The following A1BG variants were observed in gnomAD, a reference collection of about 807,000 sequenced individuals.
A1BG encodes the protein alpha-1-B glycoprotein, also known as alpha-1B-glycoprotein.
In A1BG, 44 loss-of-function variants were observed where a neutral mutation model predicts 46.0. The ratio of observed to expected loss-of-function variants is 0.96; its 90% confidence interval spans 0.75 to 1.23. The LOEUF is 1.23. A1BG is among the 50% of genes most tolerant of loss of function. The pLI is 0.00. For missense variants in A1BG, 707 were observed against 688.8 expected (o/e 1.03, Z -0.30); for synonymous variants, 316 against 314.7 (o/e 1.00, Z -0.04).
At chr19:58,352,241 C>G in intron 4 of A1BG, 42 bp downstream of exon 4, 1 of 1,601,758 alleles carries the variant, frequency 6.2e-7, no homozygotes, top group Non-Finnish European at 8.5e-7. Context: ...CCCCCTGTAT[C>G]CTCCTCCCCC....
chr19:58,353,098 T>C lies in A1BG; in HGVS notation c.170A>G (p.Asp57Gly). Residue 57 changes from aspartate to glycine, a missense_variant, in exon 3 of 8, where the codon GAC (aspartate) becomes GGC (glycine). Coordinates refer to ENST00000263100, the MANE Select transcript of A1BG (RefSeq NM_130786.4). ...CACCCCATTCTTGAACAGCTGGAAG[T>C]CTGGAGTCTCCAGGTGGGCCTGGCA... ...LTCQAHLETP[D>G]FQLFKNGVAQ... The C allele has an allele frequency of 6.2e-7, 1 of 1,614,156 alleles. No homozygotes were observed. Among genetic ancestry groups the C allele is most frequent in the South Asian group, 1.1e-5 (1 of 91,090 alleles).
At chr19:58,347,779 A>G (rs2051927213) in intron 6 of A1BG, 139 bp from the exon 7 acceptor site, 1 of 501,426 alleles carries the variant, frequency 2.0e-6, no homozygotes, top group Non-Finnish European at 3.0e-6. Flanking sequence ...TCCTGGGCGC[A>G]GAGGGCTCCT....
chr19:58,347,266 A>G, intron 7 of A1BG, 87 bp downstream of exon 7: 1 of 1,567,700 alleles, frequency 6.4e-7, no homozygotes, highest in Non-Finnish European at 8.7e-7. Flanking sequence ...CCAAGGGAGG[A>G]GCCGGGAGAG....
rs575873771 is a variant in A1BG at position 58,350,301 on chromosome 19, G to A, written c.1192+69C>T. 2.3e-5 allele frequency: 34 copies of A among 1,464,348 alleles called. No individual in the cohort carries two copies. The East Asian group carries it at 7.5e-4, about 32-fold the overall frequency. The allele number at this position is 1,464,348 out of a possible 1,614,324, so 90.7% of individuals were successfully genotyped here. ...CCGCCGTCGGACGCCCAAGGAAAGA[G>A]GGGAAAGACAGGAGGCCCCGAGGGG... On this transcript the variant is annotated intron_variant, in intron 6 of 7. Transcript: ENST00000263100.
At position 58,352,479 on chromosome 19, in the gene A1BG, G is replaced by T; in HGVS notation, c.417C>A (p.Cys139Ter). The T allele has an allele frequency of 6.2e-7, 1 of 1,613,502 alleles. No homozygotes were observed. The highest frequency in any genetic ancestry group is 8.5e-7 in the Non-Finnish European group (1 of 1,180,002). ...AAGTCACACCCCGCAGCACACCTCG[G>T]CACACTGCTGTTGTTTTCAGGCCGG... ...ITPGLKTTAV[C>*]RGVLRGVTFL... The change falls in exon 4 of 8, where the codon TGC becomes TGA. Residue 139 changes from cysteine (C) to a stop codon, truncating the protein, a stop_gained. Transcript: ENST00000263100. LOFTEE classifies it high-confidence loss of function.
At chr19:58,347,109 C>T (rs1428451661) in intron 7 of A1BG, 80 bp from the exon 8 acceptor site, 2 of 1,546,592 alleles carry the variant, frequency 1.3e-6, no homozygotes, top group Non-Finnish European at 1.8e-6. Context: ...AGGCCGACCT[C>T]CCTGACGCCC....
chr19:58,346,567 A>G lies in A1BG; in HGVS notation c.*455T>C. 1 of 247,374 alleles carries G rather than the reference A, an allele frequency of 4.0e-6. No individual in the cohort carries two copies. The highest frequency in any genetic ancestry group is 8.0e-6 in the Non-Finnish European group (1 of 124,864). The allele number at this position is 247,374 out of a possible 1,614,324, so 15.3% of individuals were successfully genotyped here. ...AGTGAGACCCTGTCTACAAAAAATAATAATTAGCCAGACGTGGCGATGCAT... is the reference window on the plus strand; with the variant it reads ...AGTGAGACCCTGTCTACAAAAAATAGTAATTAGCCAGACGTGGCGATGCAT... On this transcript the variant is annotated 3_prime_UTR_variant, in exon 8 of 8. Transcript: ENST00000263100.
In A1BG at chr19:58,347,509, C is replaced by A. The variant is rs762902651; in HGVS notation, c.1324G>T (p.Ala442Ser). Residue 442 changes from alanine (A) to serine (S), a missense_variant, in exon 7 of 8, where the codon GCC (alanine) becomes TCC (serine). Coordinates refer to ENST00000263100, the MANE Select transcript of A1BG (RefSeq NM_130786.4). ...CCGGGGGTGCGGACCGTCTTCACGG[C>A]CTTCGTCTCGCCCTCGCGCAGCAGC... ...FELLREGETK[A>S]VKTVRTPGAA... 4 of 1,587,810 alleles carry A rather than the reference C, an allele frequency of 2.5e-6. No individual in the cohort carries two copies. The highest frequency in any genetic ancestry group is 1.7e-4 in the Middle Eastern group (1 of 5,966).
chr19:58,350,916 T>C, intron 5 of A1BG: 1 of 437,432 alleles, frequency 2.3e-6, no homozygotes, highest in Non-Finnish European at 4.0e-6. Flanking sequence ...TGTGCATGGC[T>C]TGATGCCTGG....
rs1486424317 is a variant in A1BG, at chr19:58,351,583, C to T, written c.718G>A (p.Asp240Asn). 8.1e-6 allele frequency: 13 copies of T among 1,613,770 alleles called. No homozygotes were observed. The highest frequency in any genetic ancestry group is 2.7e-5 in the African/African-American group (2 of 74,924). ...TTCTCCCCGCGCCGTAGCTGGAAGT[C>T]CACTCCACTCAGGGGAGCCACGCAG... is the stretch of plus-strand genomic sequence containing the variant. ...LTCVAPLSGV[D>N]FQLRRGEKEL... is the part of the protein sequence containing the mutation. Residue 240 changes from aspartate to asparagine, a missense_variant, in exon 5 of 8, where the codon GAC becomes AAC. By Grantham distance (23) the Asp-to-Asn change is conservative. Coordinates refer to ENST00000263100, the MANE Select transcript of A1BG (RefSeq NM_130786.4).
chr19:58,350,157 C>T (rs1449820455), intron 6 of A1BG: 3 of 612,438 alleles, frequency 4.9e-6, no homozygotes, highest in Non-Finnish European at 8.1e-6. Flanking sequence ...CTACACGTGA[C>T]CTACGGGCTT....
At position 58,352,977 on chromosome 19, in the gene A1BG, C is replaced by G. The variant is rs2051977229; in HGVS notation, c.291G>C (p.Leu97Phe). The change falls in exon 3 of 8, where the codon TTG (leucine) becomes TTC (phenylalanine). Residue 97 changes from leucine (L) to phenylalanine (F), a missense_variant. Leu to Phe is a conservative substitution (Grantham distance 22, BLOSUM62 0). Transcript: ENST00000263100. Reference sequence around the variant, plus strand: ...TGCTCAGCTGGGTCCATCCTGTGGACAAGCCCGAGCGGCAGCGGTAGCGGC... The same window carrying G: ...TGCTCAGCTGGGTCCATCCTGTGGAGAAGCCCGAGCGGCAGCGGTAGCGGC... ...TQGRYRCRSG[L>F]STGWTQLSKL... is the part of the protein sequence containing the mutation. The G allele has an allele frequency of 6.2e-6, 10 of 1,613,842 alleles. No individual in the cohort carries two copies. The highest frequency in any genetic ancestry group is 8.5e-6 in the Non-Finnish European group (10 of 1,180,028).
rs768773180 is a variant in A1BG, at chr19:58,350,458, G to A, written c.1104C>T (p.Asp368=). 5.6e-5 allele frequency: 87 copies of A among 1,555,648 alleles called. No individual in the cohort carries two copies. The highest frequency in any genetic ancestry group is 1.8e-4 in the South Asian group (15 of 84,484). Residue 368 remains aspartate (D), a synonymous_variant, in exon 6 of 8, where the codon GAC becomes GAT. Coordinates refer to ENST00000263100, the MANE Select transcript of A1BG (RefSeq NM_130786.4). ...CGTAGACGCAGCTGTAGTTGGCGGAGTCAGCCACGGAAATGTTGTGCAGCT... is the reference window on the plus strand; with the variant it reads ...CGTAGACGCAGCTGTAGTTGGCGGAATCAGCCACGGAAATGTTGTGCAGCT... The part of the protein sequence containing the change: ...LFELHNISVA[D]SANYSCVYVD...
In A1BG at chr19:58,347,007, G is replaced by A. The variant is rs2051917594; in HGVS notation, c.*15C>T. The A allele has an allele frequency of 1.9e-6, 3 of 1,614,092 alleles. 1 individual carries two copies. Among genetic ancestry groups the A allele is most frequent in the South Asian group, 2.2e-5 (2 of 91,084 alleles). On this transcript the variant is annotated 3_prime_UTR_variant, in exon 8 of 8. Coordinates refer to ENST00000263100, the MANE Select transcript of A1BG (RefSeq NM_130786.4). ...CTTCTGAGGACACCAACAGCACCCT[G>A]GGCCCGCGGCTGCATCAGCTTTCTA...
chr19:58,352,257 C>G lies in A1BG; in HGVS notation c.613+26G>C, dbSNP rs201111185. The G allele has an allele frequency of 3.9e-5, 62 of 1,608,136 alleles. No individual in the cohort carries two copies. The Middle Eastern group carries it at 7.6e-4, about 20-fold the overall frequency. The stretch of plus-strand genomic sequence containing the variant: ...CCCCTGTATCCTCCTCCCCCAGCAG[C>G]CCCCAGAGATGGTTCCCACAGTCAC... On this transcript the variant is annotated intron_variant, in intron 4 of 7. Transcript: ENST00000263100.
At chr19:58,348,826 A>G (rs765979727) in intron 6 of A1BG, 1 of 152,364 alleles carries the variant, frequency 6.6e-6, no homozygotes, top group African/African-American at 2.4e-5. Context: ...CAGGAACCCA[A>G]TCAGATTTCA....
intron 3 of A1BG, 126 bp from the exon 4 acceptor site, chr19:58,352,681 G>T: frequency 7.7e-7 from 1 of 1,306,096 alleles, no homozygotes; most frequent in Non-Finnish European, 1.0e-6. Context: ...GCTGGGAAAA[G>T]GCAGGCAGGC....
At chr19:58,352,232 C>T (rs1042023247) in intron 4 of A1BG, 51 bp downstream of exon 4, 17 of 1,594,182 alleles carry the variant, frequency 1.1e-5, no homozygotes, top group Admixed American at 1.7e-5. Context: ...GTGGTCATGC[C>T]CCCTGTATCC....
intron 6 of A1BG, 70 bp from the exon 7 acceptor site, chr19:58,347,710 A>G (rs960134664): frequency 1.4e-5 from 12 of 886,044 alleles, no homozygotes; most frequent in African/African-American, 1.8e-5. Flanking sequence ...ACCCCAGGCC[A>G]CACCCCAGGC....
Sources: allele counts gnomAD v4.1 joint callset, GRCh38; gene constraint gnomAD v4.1.1; transcripts MANE v1.5; gene names NCBI Gene and HGNC (gene_info 2026-07-23, HGNC 2026-07-21).